Variants in RHOT2 observed in about 807,000 individuals in gnomAD.
RHOT2 encodes mitochondrial Rho GTPase 2.
A neutral mutation model predicts 81.6 loss-of-function variants in RHOT2; 90 were observed. That is an observed-to-expected ratio of 1.10 (90% confidence interval 0.93 to 1.31). The LOEUF is 1.31. Among genes scored for constraint, RHOT2 ranks in the 40% most tolerant of loss-of-function variants. RHOT2 has a pLI of 0.00. For missense variants in RHOT2, 1,014 were observed against 841.9 expected, an observed-to-expected ratio of 1.20 and a Z score of -2.53; for synonymous variants, 512 against 370.9, an observed-to-expected ratio of 1.38 and a Z score of -4.37.
In RHOT2 at chr16:673,507, C is replaced by T. The variant is rs1460179076; in HGVS notation, c.1758C>T (p.Pro586=). 1.2e-6 allele frequency: 2 copies of T among 1,612,670 alleles called. No homozygotes were observed. The highest frequency in any genetic ancestry group is 2.2e-5 in the East Asian group (1 of 44,876). Residue 586 remains proline (P), a synonymous_variant, in exon 19 of 19, where the codon CCC becomes CCT. Transcript: ENST00000315082. ...ATTTGGTCCACGCAGAGCTGCATCCCTCTTCCTTCTGGCTCCGGGGGCTGC... is the reference window on the plus strand; with the variant it reads ...ATTTGGTCCACGCAGAGCTGCATCCTTCTTCCTTCTGGCTCCGGGGGCTGC... The part of the protein sequence containing the change: ...FPHLVHAELH[P]SSFWLRGLLG...
Position 669,539 on chromosome 16 carries a change from C to T in RHOT2, c.223-14C>T, listed in dbSNP as rs2151453433. Reference sequence around the variant, plus strand: ...AGCAGCCCTGTCACCCACACCTCATCACTGTTCCCTCAGGCAAACGTGGTG... The same window carrying T: ...AGCAGCCCTGTCACCCACACCTCATTACTGTTCCCTCAGGCAAACGTGGTG... On this transcript the variant is annotated splice_polypyrimidine_tract_variant and intron_variant, in intron 4 of 18. Transcript: ENST00000315082. 1.2e-6 allele frequency: 2 copies of T among 1,611,220 alleles called. No homozygotes were observed.
exon 1 of RHOT2, chr16:668,111 GTGCGGGGCGGGCGCGGGGGCAGAGCGAAA>G: frequency 2.4e-6 from 1 of 416,184 alleles, no homozygotes; most frequent in Non-Finnish European, 4.2e-6. Flanking sequence ...AGAACCGGAA[GTGCGGGGCGGGCGCGGGGGCAGAGCGAAA>G]GGCTTGAGGA....
rs1371978755 is a variant in RHOT2, at chr16:673,965, C to T, written c.*359C>T. The stretch of plus-strand genomic sequence containing the variant: ...AATTCTCAGGGCTCTACCCCCCTTT[C>T]CTGGTCCTAGGTGGCCAGTGGGTAT... On this transcript the variant is annotated 3_prime_UTR_variant, in exon 19 of 19. Transcript: ENST00000315082. 2.1e-6 allele frequency: 1 copy of T among 487,128 alleles called. No homozygotes were observed. Among genetic ancestry groups the T allele is most frequent in the South Asian group, 1.6e-5 (1 of 62,230 alleles). 30.2% of individuals were successfully genotyped at this position (487,128 alleles called of 1,614,324 possible).
rs764376912 is a variant in RHOT2, at chr16:671,149, G to A, written c.815G>A (p.Arg272Gln). Residue 272 changes from arginine (R) to glutamine (Q), a missense_variant, in exon 11 of 19, where the codon CGG becomes CAG. Arg to Gln is a conservative substitution (Grantham distance 43). Coordinates refer to ENST00000315082, the MANE Select transcript of RHOT2 (RefSeq NM_138769.3). ...GRHETTWTIL[R>Q]RFGYSDALEL... ...CACGAGACCACCTGGACCATCCTGCGGCGCTTCGGCTACAGCGATGCCCTG... is the reference window on the plus strand; with the variant it reads ...CACGAGACCACCTGGACCATCCTGCAGCGCTTCGGCTACAGCGATGCCCTG... The A allele has an allele frequency of 5.0e-6, 8 of 1,599,322 alleles. No homozygotes were observed. The highest frequency in any genetic ancestry group is 2.7e-5 in the African/African-American group (2 of 74,362).
At chr16:669,332 C>G (rs1369844436) in intron 4 of RHOT2, 1 of 593,894 alleles carries the variant, frequency 1.7e-6, no homozygotes, top group East Asian at 2.8e-5. Flanking sequence ...TCTGAGGGTT[C>G]AGCAGCAGCT....
At position 670,351 on chromosome 16, in the gene RHOT2, C is replaced by T. The variant is rs983128898; in HGVS notation, c.432C>T (p.Cys144=). Residue 144 remains cysteine (C), a synonymous_variant, in exon 7 of 19, where the codon TGC becomes TGT. Transcript: ENST00000315082. ...IMSQFPEIET[C]VECSAKNLRN... is the part of the protein sequence containing the mutation. Reference sequence around the variant, plus strand: ...GCCAGTTTCCCGAGATTGAGACCTGCGTGGAGGTGAGTAGGTCCCAGGCAG... The same window carrying T: ...GCCAGTTTCCCGAGATTGAGACCTGTGTGGAGGTGAGTAGGTCCCAGGCAG... 9.3e-6 allele frequency: 15 copies of T among 1,612,630 alleles called. No individual in the cohort carries two copies. Among genetic ancestry groups the T allele is most frequent in the Admixed American group, 5.0e-5 (3 of 59,998 alleles).
intron 5 of RHOT2, 149 bp from the exon 6 acceptor site, chr16:669,974 T>A: frequency 1.4e-6 from 1 of 696,136 alleles, no homozygotes; most frequent in Non-Finnish European, 2.3e-6. Context: ...GCCTGCCTTC[T>A]CCCACCAGCT....
At chr16:669,358 G>C (rs1257088943) in intron 4 of RHOT2, 195 bp from the exon 5 acceptor site, 1 of 616,602 alleles carries the variant, frequency 1.6e-6, no homozygotes, top group Non-Finnish European at 2.9e-6. Context: ...TGTGACACTG[G>C]GGAGTGCCTG....
rs199894469 is a variant in RHOT2, at chr16:672,999, G to A, written c.1599G>A (p.Ala533=). The change falls in exon 18 of 19, where the codon GCG becomes GCA. Residue 533 remains alanine (A), a synonymous_variant. Coordinates refer to ENST00000315082, the MANE Select transcript of RHOT2 (RefSeq NM_138769.3). ...SSKADLPEGV[A]VSGPSPAEFC... The stretch of plus-strand genomic sequence containing the variant: ...AGGCCGACCTGCCCGAAGGTGTCGC[G>A]GTGTCTGGCCCATCACCGGCCGAGT... 16 of 1,612,676 alleles carry A rather than the reference G, an allele frequency of 9.9e-6. No homozygotes were observed. The highest frequency in any genetic ancestry group is 1.6e-4 in the Middle Eastern group (1 of 6,062).
At chr16:673,290 G>T in intron 18 of RHOT2, 160 bp downstream of exon 18, 1 of 1,183,674 alleles carries the variant, frequency 8.4e-7, no homozygotes, top group Non-Finnish European at 1.2e-6. Flanking sequence ...GAGTGGCGGG[G>T]TGGAGCTTTG....
At position 670,876 on chromosome 16, in the gene RHOT2, G is replaced by A. The variant is rs372301319; in HGVS notation, c.640-16G>A. On this transcript the variant is annotated splice_polypyrimidine_tract_variant and intron_variant, in intron 9 of 18. Coordinates refer to ENST00000315082, the MANE Select transcript of RHOT2 (RefSeq NM_138769.3). ...GGGTGGCTGGCTGACTCCCAACAAC[G>A]TTCTCTCGGAAGCAGAAATCCTGCT... 1.6e-5 allele frequency: 25 copies of A among 1,582,286 alleles called. No homozygotes were observed. The highest frequency in any genetic ancestry group is 2.3e-5 in the East Asian group (1 of 44,288).
chr16:672,056 ACT>A (rs767704879), intron 13 of RHOT2, 26 bp from the exon 14 acceptor site: 1 of 1,611,018 alleles, frequency 6.2e-7, no homozygotes, highest in Non-Finnish European at 8.5e-7. Context: ...CCACCATAAC[ACT>A]GTGCCTGCCT....
chr16:668,127 G>A, upstream of RHOT2: 1 of 418,870 alleles, frequency 2.4e-6, no homozygotes, highest in Non-Finnish European at 4.2e-6. Context: ...GGCGGGCGCG[G>A]GGGCAGAGCG....
intron 2 of RHOT2, 25 bp from the exon 3 acceptor site, chr16:668,463 T>G (rs960245609): frequency 1.9e-6 from 3 of 1,590,076 alleles, no homozygotes; most frequent in Middle Eastern, 1.8e-4. Flanking sequence ...CGGGGGTCCC[T>G]GGTGAGCGCG....
At chr16:669,096 G>A (rs1447647447) in intron 4 of RHOT2, 1 of 389,022 alleles carries the variant, frequency 2.6e-6, no homozygotes, top group Non-Finnish European at 4.7e-6. Context: ...ACAGGCCACA[G>A]CCACCCAGGG....
chr16:672,511 C>T lies in RHOT2; in HGVS notation c.1349C>T (p.Pro450Leu), dbSNP rs775353282. The T allele has an allele frequency of 9.9e-6, 16 of 1,612,646 alleles. No homozygotes were observed. Among genetic ancestry groups the T allele is most frequent in the Middle Eastern group, 1.6e-4 (1 of 6,062 alleles). ...CAGCACCAGGACACGAGGGAGCAGCCTCCCGGCTACGCCATCGACACGGTG... is the reference window on the plus strand; with the variant it reads ...CAGCACCAGGACACGAGGGAGCAGCTTCCCGGCTACGCCATCGACACGGTG... ...GLGHQDTREQ[P>L]PGYAIDTVQV... The change falls in exon 16 of 19, where the codon CCT (proline) becomes CTT (leucine). Residue 450 changes from proline to leucine, a missense_variant. Coordinates refer to ENST00000315082, the MANE Select transcript of RHOT2 (RefSeq NM_138769.3).
At position 671,755 on chromosome 16, in the gene RHOT2, C is replaced by T; in HGVS notation, c.928C>T (p.Gln310Ter). The change falls in exon 12 of 19, where the codon CAG becomes TAG. Residue 310 changes from glutamine to a stop codon, truncating the protein, a stop_gained. Transcript: ENST00000315082. LOFTEE classifies it high-confidence loss of function. The stretch of plus-strand genomic sequence containing the variant: ...CAACCACCTTGGCTACCAGTTTGTG[C>T]AGAGAGTGTTTGAGAAGCACGACCA... Reference protein sequence around the residue: ...ELNHLGYQFVQRVFEKHDQDR... With the variant: ...ELNHLGYQFV 3 of 1,612,478 alleles carry T rather than the reference C, an allele frequency of 1.9e-6. No individual in the cohort carries two copies. The highest frequency in any genetic ancestry group is 2.5e-6 in the Non-Finnish European group (3 of 1,179,784).
At position 670,566 on chromosome 16, in the gene RHOT2, C is replaced by A. The variant is rs1201253224; in HGVS notation, c.540+9C>A. The A allele has an allele frequency of 6.3e-7, 1 of 1,599,194 alleles. No individual in the cohort carries two copies. Among genetic ancestry groups the A allele is most frequent in the South Asian group, 1.1e-5 (1 of 89,294 alleles). ...ACCCTGAGGCCAAGCAGGTGAGCAT[C>A]GGCTGGGGCCCCGCACGCTGGTTCC... On this transcript the variant is annotated intron_variant, in intron 8 of 18. Transcript: ENST00000315082.
chr16:671,036 G>C, intron 10 of RHOT2, 36 bp downstream of exon 10: 1 of 1,607,066 alleles, frequency 6.2e-7, no homozygotes, highest in South Asian at 1.1e-5. Flanking sequence ...TGGGGAGTGT[G>C]GGGAGGGGGC....
Sources: allele counts gnomAD v4.1 joint callset, GRCh38; gene constraint gnomAD v4.1.1; transcripts MANE v1.5; gene names NCBI Gene and HGNC (gene_info 2026-07-23, HGNC 2026-07-21).